The following DDR2 variants were observed in gnomAD, a reference collection of about 807,000 sequenced individuals.
DDR2 encodes the protein discoidin domain-containing receptor 2.
A neutral mutation model predicts 94.9 loss-of-function variants in DDR2; 27 were observed. That is an observed-to-expected ratio of 0.28 (90% confidence interval 0.21 to 0.39). DDR2 has a LOEUF of 0.39. DDR2 is among the 10% of genes least tolerant of loss of function. The pLI, the probability that DDR2 is intolerant of heterozygous loss-of-function variation, is 1.00. For missense variants in DDR2, 783 were observed against 1,076.0 expected, an observed-to-expected ratio of 0.73 and a Z score of 3.81; for synonymous variants, 382 against 377.2, an observed-to-expected ratio of 1.01 and a Z score of -0.15.
chr1:162,647,274 T>G (rs755305663), intron 1 of DDR2, among the ~76,000 whole-genome samples: 21 of 152,126 alleles, frequency 1.4e-4, no homozygotes, highest in Non-Finnish European at 2.8e-4. Context: ...CTAAAGTCAA[T>G]TGAACTAGAA....
At chr1:162,739,877 T>A (rs1454676945) in intron 3 of DDR2, among the ~76,000 whole-genome samples, 1 of 151,816 alleles carries the variant, frequency 6.6e-6, no homozygotes, top group Non-Finnish European at 1.5e-5. Context: ...TAGAATCTTC[T>A]CTCAGTGGAT....
intron 16 of DDR2, chr1:162,778,146 C>T (rs1269406045): frequency 3.7e-6 from 1 of 271,592 alleles, no homozygotes; most frequent in African/African-American, 2.2e-5. Context: ...TTGTTAAAGT[C>T]TATCTTTCAA....
At chr1:162,690,709 A>T (rs1173513310) in intron 2 of DDR2, among the ~76,000 whole-genome samples, 3 of 152,194 alleles carry the variant, frequency 2.0e-5, no homozygotes, top group Admixed American at 1.3e-4. Context: ...TGAGTAAATA[A>T]CCATGACTAA....
chr1:162,668,920 T>G (rs7534237), intron 2 of DDR2, among the ~76,000 whole-genome samples: 146,190 of 152,264 alleles, frequency 0.96, 70,454 homozygotes, highest in East Asian at 1. Context: ...GGTAGGGATG[T>G]GGAGAGATTT....
At chr1:162,631,198 G>A (rs1419296003), upstream of DDR2, among the ~76,000 whole-genome samples, 1 of 147,066 alleles carries the variant, frequency 6.8e-6, no homozygotes, top group Non-Finnish European at 1.5e-5. Context: ...GTGTGTGTGT[G>A]TGTGTGTGTG....
At chr1:162,753,056 C>A (rs1632311) in intron 3 of DDR2, 39 bp from the exon 4 acceptor site, 2 of 1,552,060 alleles carry the variant, frequency 1.3e-6, no homozygotes, top group East Asian at 2.3e-5. Context: ...AAAAATAAAA[C>A]CATGTCCTCT....
At chr1:162,633,871 A>T (rs1258066772) in intron 1 of DDR2, among the ~76,000 whole-genome samples, 1 of 152,238 alleles carries the variant, frequency 6.6e-6, no homozygotes, top group African/African-American at 2.4e-5. Flanking sequence ...AGAGCTCTTC[A>T]TACATAATTT....
chr1:162,752,014 G>T (rs2102124456), intron 3 of DDR2, among the ~76,000 whole-genome samples: 1 of 152,218 alleles, frequency 6.6e-6, no homozygotes, highest in African/African-American at 2.4e-5. Context: ...GGGGACGGGG[G>T]AGGAATGGCA....
At chr1:162,654,200 G>C (rs975679382) in intron 1 of DDR2, among the ~76,000 whole-genome samples, 1 of 152,156 alleles carries the variant, frequency 6.6e-6, no homozygotes, top group Non-Finnish European at 1.5e-5. Context: ...CACTTTGTGA[G>C]GCCGAGGTGG....
chr1:162,756,493 GC>G (rs1663471878), intron 7 of DDR2, among the ~76,000 whole-genome samples: 1 of 152,242 alleles, frequency 6.6e-6, no homozygotes, highest in Admixed American at 6.5e-5. Flanking sequence ...AAGCCTTTAA[GC>G]CTTGCCATTC....
chr1:162,747,083 A>T (rs560979003), intron 3 of DDR2, among the ~76,000 whole-genome samples: 7 of 152,356 alleles, frequency 4.6e-5, no homozygotes, highest in Middle Eastern at 3.4e-3. Flanking sequence ...AAAAGCTGAA[A>T]ATTCTAAAAA....
chr1:162,767,359 G>T lies in DDR2; in HGVS notation c.1293G>T (p.Lys431Asn), dbSNP rs1204148332. Reference protein sequence around the residue: ...WRQFWQKMLEKASRRMLDDEM... With the variant: ...WRQFWQKMLENASRRMLDDEM... ...AGTTCTGGCAGAAAATGCTGGAGAA[G>T]GTGAGGAGGTGCAGAATGGTCATGA... The change falls in exon 11 of 18, where the codon AAG becomes AAT. Residue 431 changes from lysine (K) to asparagine (N), a missense_variant and splice_region_variant. Physicochemically the swap from Lys to Asn is moderately conservative, Grantham distance 94. Transcript: ENST00000367921. 1 of 1,613,800 alleles carries T rather than the reference G, an allele frequency of 6.2e-7. No individual in the cohort carries two copies.
chr1:162,758,899 C>T (rs1477226981), intron 7 of DDR2, among the ~76,000 whole-genome samples: 1 of 152,146 alleles, frequency 6.6e-6, no homozygotes, highest in Non-Finnish European at 1.5e-5. Context: ...AGAAGTTCCA[C>T]ATGATGGTTT....
At chr1:162,710,505 T>C (rs1437391258) in intron 2 of DDR2, among the ~76,000 whole-genome samples, 2 of 152,220 alleles carry the variant, frequency 1.3e-5, no homozygotes, top group Non-Finnish European at 2.9e-5. Flanking sequence ...TGTTTCTGTG[T>C]ATGTGTTTGA....
intron 3 of DDR2, among the ~76,000 whole-genome samples, chr1:162,730,316 T>C (rs1661975830): frequency 6.6e-6 from 1 of 152,146 alleles, no homozygotes; most frequent in Non-Finnish European, 1.5e-5. Flanking sequence ...AGCCCGGGAC[T>C]GCAGGGGAGG....
chr1:162,760,484 C>CTA (rs760403789), intron 8 of DDR2, among the ~76,000 whole-genome samples: 1 of 122,844 alleles, frequency 8.1e-6, no homozygotes, highest in African/African-American at 2.8e-5. Flanking sequence ...ACATATACAA[C>CTA]TATATATGTA....
intron 2 of DDR2, among the ~76,000 whole-genome samples, chr1:162,695,723 G>A (rs1461540771): frequency 6.6e-6 from 1 of 152,166 alleles, no homozygotes; most frequent in Non-Finnish European, 1.5e-5. Context: ...AATCATAAAT[G>A]TTTGAGCCTC....
At chr1:162,672,657 A>T (rs1395041646) in intron 2 of DDR2, among the ~76,000 whole-genome samples, 1 of 152,200 alleles carries the variant, frequency 6.6e-6, no homozygotes, top group Non-Finnish European at 1.5e-5. Flanking sequence ...GGTGCCTCTA[A>T]ATAAGTAGTA....
In DDR2 at chr1:162,638,352, T is replaced by A. The variant is rs1041204574; in HGVS notation, c.-192+5721T>A. 2.6e-5 allele frequency among the ~76,000 whole-genome samples: 4 copies of A among 152,290 alleles called. No homozygotes were observed. In the East Asian group the frequency reaches 7.7e-4, roughly 29 times the overall value. ...TGTACTTCTTATCATCACCATTGTC[T>A]TTGTTGCCATGGTCTTCATTATTAT... On this transcript the variant is annotated intron_variant, in intron 1 of 17. Coordinates refer to ENST00000367921, the MANE Select transcript of DDR2 (RefSeq NM_006182.4).
Sources: gnomAD v4.1 joint callset for allele counts (sites outside exome capture counted in the v4.1 genomes callset) on GRCh38, gnomAD v4.1.1 for gene constraint, MANE v1.5 for transcripts, NCBI Gene and HGNC (gene_info 2026-07-23, HGNC 2026-07-21) for gene names.